The following RUNX2 variants were observed in gnomAD, a reference collection of about 807,000 sequenced individuals.
RUNX2 encodes RUNX family transcription factor 2.
In RUNX2, 10 loss-of-function variants were observed where a neutral mutation model predicts 51.7. The ratio of observed to expected loss-of-function variants is 0.19; its 90% CI spans 0.12 to 0.33. RUNX2 has a LOEUF of 0.33. RUNX2 is among the 10% of genes least tolerant of loss of function. The probability of loss-of-function intolerance (pLI) is 1.00; values close to 1 mark genes in which losing one functional copy is unlikely to be tolerated. For synonymous variants in RUNX2, 276 were observed against 273.6 expected (o/e 1.01, Z -0.09); for missense variants, 562 against 691.3 (o/e 0.81, Z 2.10).
chr6:45,432,444 C>T (rs1414107978), intron 4 of RUNX2, among the ~76,000 whole-genome samples: 1 of 152,130 alleles, frequency 6.6e-6, no homozygotes, highest in Admixed American at 6.6e-5. Flanking sequence ...ATGCTCTTCA[C>T]TTATCACAGG....
At position 45,343,736 on chromosome 6, in the gene RUNX2, G is replaced by GT. The variant is rs572767615; in HGVS notation, c.58+14953dup. 1.7e-4 allele frequency among the ~76,000 whole-genome samples: 26 copies of GT among 152,304 alleles called. No homozygotes were observed. The South Asian group carries it at 5.4e-3, about 32-fold the overall frequency. On this transcript the variant is annotated intron_variant, in intron 2 of 8. Transcript: ENST00000647337. Reference sequence around the variant, plus strand: ...GATGAAGTTTAAAAATGGTGTCTCTGTCCCATGTTCCTGAGACAGCTATCC... The same window carrying GT: ...GATGAAGTTTAAAAATGGTGTCTCTGTTCCCATGTTCCTGAGACAGCTATCC...
chr6:45,520,268 T>G (rs1349707450), intron 7 of RUNX2, among the ~76,000 whole-genome samples: 1 of 152,234 alleles, frequency 6.6e-6, no homozygotes, highest in Non-Finnish European at 1.5e-5. Context: ...CATTTCTTCC[T>G]GGAGAAGCAT....
intron 2 of RUNX2, among the ~76,000 whole-genome samples, chr6:45,367,895 T>C (rs1009024883): frequency 2.6e-5 from 4 of 152,218 alleles, no homozygotes; most frequent in African/African-American, 7.2e-5. Flanking sequence ...GATGAGCTGA[T>C]AGGTCATTAG....
intron 2 of RUNX2, among the ~76,000 whole-genome samples, chr6:45,410,471 T>TATTC (rs1201364194): frequency 1.3e-5 from 2 of 152,210 alleles, no homozygotes; most frequent in Admixed American, 1.3e-4. Flanking sequence ...TAAGGGGATA[T>TATTC]ATTCATTCAT....
chr6:45,526,312 C>T (rs190320775), intron 7 of RUNX2, among the ~76,000 whole-genome samples: 186 of 152,274 alleles, frequency 1.2e-3, no homozygotes, highest in African/African-American at 4.4e-3. Flanking sequence ...ATTTTATTGA[C>T]ATCTCTCATA....
At chr6:45,445,713 A>G (rs1798975021) in intron 5 of RUNX2, among the ~76,000 whole-genome samples, 1 of 152,118 alleles carries the variant, frequency 6.6e-6, no homozygotes, top group Non-Finnish European at 1.5e-5. Context: ...ATAGATATTA[A>G]TCACTTGGCT....
At chr6:45,344,169 A>G (rs1025115050) in intron 2 of RUNX2, among the ~76,000 whole-genome samples, 7 of 152,234 alleles carry the variant, frequency 4.6e-5, no homozygotes, top group Non-Finnish European at 8.8e-5. Context: ...CATCCACTAA[A>G]TACTTAGTAG....
Position 45,483,635 on chromosome 6 carries a change from C to T in RUNX2, c.686-8306C>T, listed in dbSNP as rs80225269. ...GATGCCTACTGCACATAAGCATAAC[C>T]ACATGTAGTAGACAAAACATAGTTG... On this transcript the variant is annotated intron_variant, in intron 5 of 8. Transcript: ENST00000647337. Among the ~76,000 whole-genome samples the T allele has an allele frequency of 0.015, 2,305 of 152,252 alleles. 146 individuals carry two copies. The East Asian group carries it at 0.22, about 14-fold the overall frequency.
chr6:45,430,408 G>A (rs1798510856), intron 3 of RUNX2, among the ~76,000 whole-genome samples: 1 of 152,176 alleles, frequency 6.6e-6, no homozygotes, highest in Admixed American at 6.5e-5. Flanking sequence ...GTACTAAATG[G>A]AAGGAATGGA....
chr6:45,473,120 T>A (rs1256390386), intron 5 of RUNX2, among the ~76,000 whole-genome samples: 3 of 152,226 alleles, frequency 2.0e-5, no homozygotes, highest in Non-Finnish European at 4.4e-5. Context: ...TAAATCTTTA[T>A]TTATACAGCA....
At chr6:45,427,929 C>T (rs752536944) in intron 3 of RUNX2, among the ~76,000 whole-genome samples, 5 of 152,080 alleles carry the variant, frequency 3.3e-5, no homozygotes, top group Non-Finnish European at 7.4e-5. Context: ...GATTTAAATG[C>T]TAGTTATGGT....
At chr6:45,446,432 A>C (rs939906910) in intron 5 of RUNX2, among the ~76,000 whole-genome samples, 1 of 152,068 alleles carries the variant, frequency 6.6e-6, no homozygotes, top group Admixed American at 6.5e-5. Flanking sequence ...ATTCATTCTG[A>C]AAATAGTGTT....
intron 3 of RUNX2, among the ~76,000 whole-genome samples, chr6:45,424,422 A>C (rs766542906): frequency 7.2e-5 from 11 of 152,250 alleles, no homozygotes; most frequent in Non-Finnish European, 1.5e-4. Flanking sequence ...AGACGTGGAG[A>C]TGAGACTCTC....
intron 5 of RUNX2, among the ~76,000 whole-genome samples, chr6:45,489,389 A>T (rs1800387043): frequency 6.6e-6 from 1 of 152,194 alleles, no homozygotes. Context: ...GGGCTAAGAG[A>T]AAGTAAAAAT....
In RUNX2 at chr6:45,497,792, G is replaced by A. The variant is rs560437552; in HGVS notation, c.859+5678G>A. ...CTTTGTGTCCCCCATTGTCTTACAC[G>A]GTACCTGCTTACTACGTGACTTTTG... On this transcript the variant is annotated intron_variant, in intron 6 of 8. Transcript: ENST00000647337. Among the ~76,000 whole-genome samples, 7 of 152,208 alleles carry A rather than the reference G, an allele frequency of 4.6e-5. No individual in the cohort carries two copies. The South Asian group carries it at 1.0e-3, about 23-fold the overall frequency.
Position 45,545,296 on chromosome 6 carries a change from C to T in RUNX2, c.1087+14C>T, listed in dbSNP as rs976050952. ...AGAGCCAGGCAGGTGAGACTTTTAA[C>T]AATTGCTGGGCTGGGCAGGGCTGGG... On this transcript the variant is annotated intron_variant, in intron 8 of 8. Transcript: ENST00000647337. 2.2e-5 allele frequency: 33 copies of T among 1,508,614 alleles called. No individual in the cohort carries two copies. The highest frequency in any genetic ancestry group is 2.9e-5 in the Non-Finnish European group (32 of 1,114,004). 93.5% of individuals were successfully genotyped at this position (1,508,614 alleles called of 1,614,324 possible).
intron 2 of RUNX2, among the ~76,000 whole-genome samples, chr6:45,392,343 CA>C (rs1357866969): frequency 2.6e-5 from 4 of 151,742 alleles, no homozygotes; most frequent in Admixed American, 2.6e-4. Context: ...TCTGTCTCTA[CA>C]AAAAAATATA....
Position 45,460,378 on chromosome 6 carries a change from C to T in RUNX2, c.685+22327C>T, listed in dbSNP as rs149266333. Among the ~76,000 whole-genome samples the T allele has an allele frequency of 2.8e-4, 42 of 152,102 alleles. No homozygotes were observed. In the East Asian group the frequency reaches 4.0e-3, roughly 15 times the overall value. On this transcript the variant is annotated intron_variant, in intron 5 of 8. Transcript: ENST00000647337. ...GACCAAGGACTGTCATTGAGTTTGG[C>T]GGTGTGGAAGGCATTGATGATCTTG... is the stretch of plus-strand genomic sequence containing the variant.
At chr6:45,463,236 C>A (rs1262435126) in intron 5 of RUNX2, among the ~76,000 whole-genome samples, 2 of 152,098 alleles carry the variant, frequency 1.3e-5, no homozygotes, top group East Asian at 1.9e-4. Flanking sequence ...AAATGCATAC[C>A]ATTACTCTCC....
Sources: gnomAD v4.1 joint callset for allele counts (sites outside exome capture counted in the v4.1 genomes callset) on GRCh38, gnomAD v4.1.1 for gene constraint, MANE v1.5 for transcripts, NCBI Gene and HGNC (gene_info 2026-07-23, HGNC 2026-07-21) for gene names.